Variants in CAMTA1 observed in about 807,000 individuals in gnomAD.
The protein encoded by CAMTA1 is calmodulin-binding transcription activator 1.
In CAMTA1, 27 loss-of-function variants were observed where a neutral mutation model predicts 170.9. That is an observed-to-expected ratio of 0.16 (90% CI 0.12 to 0.22). The LOEUF (loss-of-function observed/expected upper bound fraction) is 0.22, where lower values mean the gene tolerates loss of function less well. Among genes scored for constraint, CAMTA1 ranks in the 10% least tolerant of loss-of-function variants. The pLI, the probability that CAMTA1 is intolerant of heterozygous loss-of-function variation, is 1.00. For synonymous variants in CAMTA1, 833 were observed against 891.5 expected (o/e 0.93, Z 1.17); for missense variants, 1,619 against 2,217.2 (o/e 0.73, Z 5.42).
chr1:6,859,348 C>T (rs759258835), intron 3 of CAMTA1, among the ~76,000 whole-genome samples: 1 of 152,088 alleles, frequency 6.6e-6, no homozygotes, highest in Non-Finnish European at 1.5e-5. Context: ...AGACATAGCA[C>T]GGGTATGCCA....
intron 5 of CAMTA1, among the ~76,000 whole-genome samples, chr1:7,434,934 C>T (rs1487659278): frequency 6.6e-6 from 1 of 151,878 alleles, no homozygotes; most frequent in African/African-American, 2.4e-5. Flanking sequence ...TGCCTATAGT[C>T]CTACCTACTG....
intron 5 of CAMTA1, among the ~76,000 whole-genome samples, chr1:7,308,402 T>C (rs907760674): frequency 3.9e-5 from 6 of 152,066 alleles, no homozygotes; most frequent in South Asian, 2.1e-4. Context: ...TTGAGCTTAA[T>C]TTGCTGTTAT....
At chr1:7,268,860 AAAGAC>A (rs1456620984) in intron 5 of CAMTA1, among the ~76,000 whole-genome samples, 1 of 152,226 alleles carries the variant, frequency 6.6e-6, no homozygotes, top group Non-Finnish European at 1.5e-5. Flanking sequence ...TATGGAATTA[AAAGAC>A]AAGAGCTTCA....
chr1:6,998,812 T>A (rs555148437), intron 3 of CAMTA1, among the ~76,000 whole-genome samples: 1 of 152,260 alleles, frequency 6.6e-6, no homozygotes, highest in South Asian at 2.1e-4. Context: ...TTCATAAAGC[T>A]ACCTTTTATT....
chr1:7,542,924 G>A (rs2094635035), intron 6 of CAMTA1, among the ~76,000 whole-genome samples: 1 of 150,326 alleles, frequency 6.7e-6, no homozygotes, highest in South Asian at 2.1e-4. Context: ...GAGTGCAGTG[G>A]CGCGATCTCG....
At chr1:7,349,054 C>G (rs1218021912) in intron 5 of CAMTA1, among the ~76,000 whole-genome samples, 1 of 152,164 alleles carries the variant, frequency 6.6e-6, no homozygotes, top group Non-Finnish European at 1.5e-5. Context: ...GTAAGAGATT[C>G]CATCCCAGGG....
In CAMTA1 at chr1:7,588,664, G is replaced by C. The variant is rs1389490792; in HGVS notation, c.511-51736G>C. ...TTCCCTCCCTTGCAGGGCAACCCCA[G>C]GGCCACGACTGGGCTCCTGGCAGCA... On this transcript the variant is annotated intron_variant, in intron 6 of 22. Coordinates refer to ENST00000303635, the MANE Select transcript of CAMTA1 (RefSeq NM_015215.4). This position sits in a 1 kb window ranked among gnomAD's most constrained non-coding sequence, Gnocchi z 5.8. Among the ~76,000 whole-genome samples, 2 of 152,176 alleles carry C rather than the reference G, an allele frequency of 1.3e-5. No homozygotes were observed. Among genetic ancestry groups the C allele is most frequent in the Admixed American group, 6.5e-5 (1 of 15,290 alleles).
At chr1:7,610,188 C>T (rs745508792) in intron 6 of CAMTA1, among the ~76,000 whole-genome samples, 2 of 152,160 alleles carry the variant, frequency 1.3e-5, no homozygotes, top group Non-Finnish European at 2.9e-5. Context: ...CAAACATGAC[C>T]TCATAAATAC....
At chr1:7,114,450 A>AG (rs1317808540) in intron 4 of CAMTA1, among the ~76,000 whole-genome samples, 1 of 151,322 alleles carries the variant, frequency 6.6e-6, no homozygotes, top group African/African-American at 2.5e-5. Context: ...TAAGCCAGAA[A>AG]AAACAAAAAA....
chr1:7,730,920 CTCTCTCTCTA>C (rs892491750), intron 11 of CAMTA1, among the ~76,000 whole-genome samples: 10 of 107,298 alleles, frequency 9.3e-5, no homozygotes, highest in African/African-American at 3.1e-4. Context: ...CTCTCTCTCT[CTCTCTCTCTA>C]TATATATATA....
chr1:6,824,873 C>A (rs945118891), intron 2 of CAMTA1, among the ~76,000 whole-genome samples: 10 of 152,112 alleles, frequency 6.6e-5, no homozygotes, highest in African/African-American at 2.4e-4. Context: ...TCAGGGAGCA[C>A]AAGCCCGATC....
intron 11 of CAMTA1, among the ~76,000 whole-genome samples, chr1:7,718,756 C>G (rs1026661890): frequency 5.9e-5 from 9 of 151,354 alleles, no homozygotes; most frequent in Admixed American, 6.6e-5. Context: ...CTGGTTTCCC[C>G]ATGTTTCTCA....
At chr1:7,312,240 C>G (rs2149626810) in intron 5 of CAMTA1, among the ~76,000 whole-genome samples, 1 of 152,198 alleles carries the variant, frequency 6.6e-6, no homozygotes, top group African/African-American at 2.4e-5. Context: ...CACCTGTGGG[C>G]CTCACTGTTG....
At chr1:7,354,378 C>T (rs544033741) in intron 5 of CAMTA1, among the ~76,000 whole-genome samples, 2 of 150,506 alleles carry the variant, frequency 1.3e-5, no homozygotes, top group Non-Finnish European at 3.0e-5. Context: ...CTTGATCTCC[C>T]GACCTCGTGA....
intron 4 of CAMTA1, among the ~76,000 whole-genome samples, chr1:7,154,471 C>T (rs1213471077): frequency 6.6e-6 from 1 of 152,188 alleles, no homozygotes; most frequent in Non-Finnish European, 1.5e-5. Context: ...CATCACTTCC[C>T]ATCTCTGGGC....
intron 3 of CAMTA1, among the ~76,000 whole-genome samples, chr1:7,057,028 G>A (rs1707434782): frequency 6.6e-6 from 1 of 152,202 alleles, no homozygotes; most frequent in Non-Finnish European, 1.5e-5. Context: ...CATAGGGCCA[G>A]GCACTTCCCA....
chr1:7,647,348 A>G (rs1026056934), intron 7 of CAMTA1, among the ~76,000 whole-genome samples: 2 of 152,180 alleles, frequency 1.3e-5, no homozygotes, highest in African/African-American at 2.4e-5. Flanking sequence ...TAGAATATCA[A>G]GAAGGAAAAT....
intron 7 of CAMTA1, among the ~76,000 whole-genome samples, chr1:7,645,404 G>A (rs1479808770): frequency 2.0e-5 from 3 of 152,258 alleles, no homozygotes; most frequent in Admixed American, 6.5e-5. Flanking sequence ...CAGCCCAGGA[G>A]GGGATGGCAC....
rs114946766 is a variant in CAMTA1 at position 7,631,821 on chromosome 1, G to C, written c.511-8579G>C. On this transcript the variant is annotated intron_variant, in intron 6 of 22. Transcript: ENST00000303635. ...GCTACCCTCAGTGGGTGACAGTGGG[G>C]ATAGAACCCAAGCCTGCCAAGGCCT... 8.6e-3 allele frequency among the ~76,000 whole-genome samples: 1,313 copies of C among 152,290 alleles called. 14 individuals carry two copies. The highest frequency in any genetic ancestry group is 0.029 in the African/African-American group (1,207 of 41,562).
Sources: allele counts gnomAD v4.1 joint callset (sites outside exome capture counted in the v4.1 genomes callset), GRCh38; gene constraint gnomAD v4.1.1; non-coding constraint Gnocchi (gnomAD v3.1); transcripts MANE v1.5; gene names NCBI Gene and HGNC (gene_info 2026-07-23, HGNC 2026-07-21).